RIC3: variants seen among roughly 807,000 people sequenced by gnomAD.
RIC3 encodes RIC3 acetylcholine receptor chaperone, also known as protein RIC-3.
A neutral mutation model predicts 27.3 loss-of-function variants in RIC3; 28 were observed. The ratio of observed to expected loss-of-function variants is 1.02; its 90% CI spans 0.76 to 1.41. RIC3 has a LOEUF of 1.41. Ranked by LOEUF, RIC3 falls within the 40% of genes most tolerant of loss-of-function variation. The pLI, the probability that RIC3 is intolerant of heterozygous loss-of-function variation, is 0.00. For missense variants in RIC3, 501 were observed against 444.7 expected (o/e 1.13, Z -1.14); for synonymous variants, 184 against 160.4 (o/e 1.15, Z -1.11).
intron 1 of RIC3, among the ~76,000 whole-genome samples, chr11:8,147,989 T>C (rs1218713578): frequency 6.6e-6 from 1 of 152,166 alleles, no homozygotes; most frequent in Non-Finnish European, 1.5e-5. Context: ...TCTCCCAAAG[T>C]GCTGGGATTA....
intron 4 of RIC3, among the ~76,000 whole-genome samples, chr11:8,135,291 G>A (rs192114134): frequency 1.0e-3 from 157 of 152,306 alleles, no homozygotes; most frequent in African/African-American, 3.0e-3. Context: ...TCAGATAGTT[G>A]TAGATGTGTG....
intron 5 of RIC3, among the ~76,000 whole-genome samples, chr11:8,116,209 G>T (rs74740087): frequency 0.017 from 2,579 of 152,204 alleles, 76 homozygotes; most frequent in African/African-American, 0.059. Flanking sequence ...ATGGTGTGGG[G>T]AAACTAGATA....
At chr11:8,122,678 C>A (rs1251684609) in intron 5 of RIC3, among the ~76,000 whole-genome samples, 1 of 151,954 alleles carries the variant, frequency 6.6e-6, no homozygotes, top group African/African-American at 2.4e-5. Context: ...ATAATTAGCC[C>A]TAGAATAAAG....
chr11:8,101,851 T>G (rs1307316813), downstream of RIC3: 9 of 496,166 alleles, frequency 1.8e-5, no homozygotes, highest in South Asian at 2.2e-4. Flanking sequence ...AATAATTCTT[T>G]CCATGCCACG....
At chr11:8,139,685 A>G (rs1948825305) in intron 2 of RIC3, 1 of 181,138 alleles carries the variant, frequency 5.5e-6, no homozygotes, top group Non-Finnish European at 9.5e-6. Context: ...ATTGAATTGT[A>G]TCACTCACTG....
chr11:8,127,709 A>T (rs1947159349), intron 4 of RIC3, among the ~76,000 whole-genome samples: 2 of 152,186 alleles, frequency 1.3e-5, no homozygotes, highest in Non-Finnish European at 2.9e-5. Context: ...GATTTAATGG[A>T]GGCTACTTAT....
In RIC3 at chr11:8,132,400, T is replaced by C. The variant is rs182034230; in HGVS notation, c.521+4978A>G. Among the ~76,000 whole-genome samples the C allele has an allele frequency of 1.6e-3, 251 of 152,256 alleles. 1 individual carries two copies. The highest frequency in any genetic ancestry group is 2.8e-3 in the Non-Finnish European group (191 of 68,020). On this transcript the variant is annotated intron_variant, in intron 4 of 5. Coordinates refer to ENST00000309737, the MANE Select transcript of RIC3 (RefSeq NM_001206671.4). Reference sequence around the variant, plus strand: ...CAAAAGCCTTCAGAGTCAAAATATGTGTGTGTTGTGGGGGAAGAGAGGACC... The same window carrying C: ...CAAAAGCCTTCAGAGTCAAAATATGCGTGTGTTGTGGGGGAAGAGAGGACC...
intron 1 of RIC3, among the ~76,000 whole-genome samples, chr11:8,147,012 T>G (rs986715843): frequency 6.6e-6 from 1 of 152,190 alleles, no homozygotes; most frequent in Admixed American, 6.5e-5. Flanking sequence ...CTGCCTCCCA[T>G]TTTTATTCAA....
At chr11:8,138,380 G>A (rs778796165) in intron 2 of RIC3, 33 bp from the exon 3 acceptor site, 7 of 1,443,284 alleles carry the variant, frequency 4.9e-6, no homozygotes, top group African/African-American at 1.4e-5. Context: ...CACATCAACA[G>A]CAGCTCAGAA....
chr11:8,151,743 G>C (rs902673836), intron 1 of RIC3, among the ~76,000 whole-genome samples: 3 of 151,068 alleles, frequency 2.0e-5, no homozygotes, highest in Admixed American at 2.0e-4. Context: ...GTGAAACCTC[G>C]TCTCTACTAA....
the RIC3 span, chr11:8,095,612 G>A: frequency 1.2e-6 from 2 of 1,612,284 alleles, no homozygotes; most frequent in South Asian, 1.1e-5. Context: ...ACGGCAGCTG[G>A]TGGGGGCGAA....
rs1945127244 is a variant in RIC3, at chr11:8,110,593, C to T, written c.*105G>A. The T allele has an allele frequency of 2.0e-6, 2 of 1,013,936 alleles. No homozygotes were observed. The highest frequency in any genetic ancestry group is 3.1e-5 in the African/African-American group (2 of 63,650). 62.8% of individuals were successfully genotyped at this position (1,013,936 alleles called of 1,614,324 possible). A position where few individuals can be genotyped will look rare whatever the true frequency, so the allele number is the denominator to read the frequency against. The stretch of plus-strand genomic sequence containing the variant: ...TGATAGTGGCCTGATAGCTATGACA[C>T]TTGAACACAGTGAAGAAAGTGCAGG... On this transcript the variant is annotated 3_prime_UTR_variant, in exon 6 of 6. Transcript: ENST00000309737.
chr11:8,129,926 C>T (rs1270240353), intron 4 of RIC3, among the ~76,000 whole-genome samples: 1 of 152,218 alleles, frequency 6.6e-6, no homozygotes. Flanking sequence ...CATGGATGTT[C>T]TGATGGCATC....
intron 5 of RIC3, among the ~76,000 whole-genome samples, chr11:8,112,182 A>T (rs1945342594): frequency 1.3e-5 from 2 of 152,250 alleles, no homozygotes; most frequent in African/African-American, 4.8e-5. Context: ...AGGCTAGTTT[A>T]AAAAAGAAAA....
chr11:8,111,842 T>C (rs1436771385), intron 5 of RIC3, among the ~76,000 whole-genome samples: 3 of 152,344 alleles, frequency 2.0e-5, no homozygotes, highest in East Asian at 1.9e-4. Context: ...AGAGAAACTG[T>C]TGCCAAATTA....
intron 1 of RIC3, among the ~76,000 whole-genome samples, chr11:8,160,139 T>C (rs1354131846): frequency 6.6e-6 from 1 of 152,214 alleles, no homozygotes; most frequent in Non-Finnish European, 1.5e-5. Flanking sequence ...AATGGTATTG[T>C]GGCTACATTT....
rs763049440 is a variant in RIC3 at position 8,137,471 on chromosome 11, G to C, written c.428C>G (p.Thr143Ser). The C allele has an allele frequency of 6.2e-7, 1 of 1,613,230 alleles. No homozygotes were observed. The highest frequency in any genetic ancestry group is 8.5e-7 in the Non-Finnish European group (1 of 1,179,710). Residue 143 changes from threonine (T) to serine (S), a missense_variant and splice_region_variant, in exon 4 of 6, where the codon ACC (threonine) becomes AGC (serine). Coordinates refer to ENST00000309737, the MANE Select transcript of RIC3 (RefSeq NM_001206671.4). ...TTGCAGTTGAGCAAGCTCAAAACTG[G>C]CTAAAAAATAAGCAACAATCTAAGA... The part of the protein sequence containing the change: ...AMPGNTHRKI[T>S]SFELAQLQEK...
At chr11:8,097,578 T>G in the RIC3 span, 1 of 1,325,542 alleles carries the variant, frequency 7.5e-7, no homozygotes, top group Non-Finnish European at 1.1e-6. Context: ...TCTTTGTGTT[T>G]TCCAGTGCAT....
At chr11:8,126,586 T>C in intron 5 of RIC3, 73 bp downstream of exon 5, 4 of 1,565,314 alleles carry the variant, frequency 2.6e-6, no homozygotes, top group Non-Finnish European at 3.5e-6. Context: ...ATAATGAAGC[T>C]GATTTTTTAA....
Sources: allele counts gnomAD v4.1 joint callset (sites outside exome capture counted in the v4.1 genomes callset), GRCh38; gene constraint gnomAD v4.1.1; transcripts MANE v1.5; gene names NCBI Gene and HGNC (gene_info 2026-07-23, HGNC 2026-07-21).